The following TAFA2 variants were observed in gnomAD, a reference collection of about 807,000 sequenced individuals.
TAFA2 encodes chemokine-like protein TAFA-2.
In TAFA2, 7 loss-of-function variants were observed where a neutral mutation model predicts 18.8. The observed-to-expected ratio is 0.37, with a 90% CI of 0.21 to 0.70. The LOEUF is 0.70. Among genes scored for constraint, TAFA2 ranks in the 30% least tolerant of loss-of-function variants. The pLI, the probability that TAFA2 is intolerant of heterozygous loss-of-function variation, is 0.53. For synonymous variants in TAFA2, 60 were observed against 54.2 expected, an observed-to-expected ratio of 1.11 and a Z score of -0.47; for missense variants, 122 against 158.1, an observed-to-expected ratio of 0.77 and a Z score of 1.23.
chr12:61,917,983 A>G (rs1448642181), intron 1 of TAFA2, among the ~76,000 whole-genome samples: 1 of 152,068 alleles, frequency 6.6e-6, no homozygotes, highest in Non-Finnish European at 1.5e-5. Context: ...TTACATGTTC[A>G]TGTGTTGGGT....
At chr12:61,799,551 G>A (rs1031474854) in intron 2 of TAFA2, among the ~76,000 whole-genome samples, 2 of 152,072 alleles carry the variant, frequency 1.3e-5, no homozygotes, top group Non-Finnish European at 2.9e-5. Flanking sequence ...GGCCAGACAC[G>A]GTGGCTCACG....
At chr12:61,923,213 T>C (rs1226276041) in intron 1 of TAFA2, among the ~76,000 whole-genome samples, 1 of 152,162 alleles carries the variant, frequency 6.6e-6, no homozygotes, top group Admixed American at 6.5e-5. Flanking sequence ...GAGCAGTAGA[T>C]CTCCCAGCAC....
At chr12:61,721,073 G>T (rs1565749333) in intron 4 of TAFA2, 3 of 394,888 alleles carry the variant, frequency 7.6e-6, no homozygotes, top group Non-Finnish European at 1.5e-5. Context: ...GTGGGGATAG[G>T]TTTGTATCTC....
intron 3 of TAFA2, among the ~76,000 whole-genome samples, chr12:61,754,146 C>A (rs975931910): frequency 2.6e-5 from 4 of 151,668 alleles, no homozygotes; most frequent in African/African-American, 9.7e-5. Flanking sequence ...AGAAAATGGA[C>A]CTATGACCAG....
intron 2 of TAFA2, among the ~76,000 whole-genome samples, chr12:61,833,517 A>T (rs1243023860): frequency 1.3e-5 from 2 of 151,996 alleles, no homozygotes; most frequent in Non-Finnish European, 2.9e-5. Flanking sequence ...TCTTAATTAA[A>T]TGACAGCCAT....
At chr12:62,110,270 T>G (rs538342549) in intron 1 of TAFA2, among the ~76,000 whole-genome samples, 1 of 152,208 alleles carries the variant, frequency 6.6e-6, no homozygotes. Context: ...GTTTATATAA[T>G]GGATTCTCTT....
intron 2 of TAFA2, among the ~76,000 whole-genome samples, chr12:61,859,794 C>G (rs954958530): frequency 6.6e-6 from 1 of 152,150 alleles, no homozygotes; most frequent in Non-Finnish European, 1.5e-5. Flanking sequence ...AAAGAGATAC[C>G]TCTGTGGGAA....
intron 1 of TAFA2, among the ~76,000 whole-genome samples, chr12:62,190,233 G>C (rs1361388910): frequency 6.6e-6 from 1 of 152,088 alleles, no homozygotes; most frequent in Non-Finnish European, 1.5e-5. Context: ...CCACCCAAAG[G>C]CTCTACGAGC....
At chr12:62,225,865 C>T (rs1427858713) in intron 1 of TAFA2, among the ~76,000 whole-genome samples, 1 of 152,164 alleles carries the variant, frequency 6.6e-6, no homozygotes, top group African/African-American at 2.4e-5. Flanking sequence ...TTATACATTG[C>T]TGATTGGTGT....
intron 2 of TAFA2, among the ~76,000 whole-genome samples, chr12:61,788,993 C>T (rs6581432): frequency 0.88 from 133,182 of 151,800 alleles, 58,535 homozygotes; most frequent in African/African-American, 0.94. Flanking sequence ...TTGATGGGGT[C>T]ATTTTTTTCT....
chr12:61,876,050 C>A (rs770563786), intron 1 of TAFA2, among the ~76,000 whole-genome samples: 23 of 152,136 alleles, frequency 1.5e-4, no homozygotes, highest in Non-Finnish European at 2.6e-4. Context: ...TAGCTCTGCA[C>A]ATAATATCTA....
At chr12:61,881,162 C>T (rs1875119647) in intron 1 of TAFA2, among the ~76,000 whole-genome samples, 2 of 151,872 alleles carry the variant, frequency 1.3e-5, no homozygotes, top group Admixed American at 1.3e-4. Context: ...AAATGCTAAA[C>T]AAGAGAGGAA....
At chr12:61,822,675 G>A (rs10877749) in intron 2 of TAFA2, among the ~76,000 whole-genome samples, 41,186 of 151,930 alleles carry the variant, frequency 0.27, 6,526 homozygotes, top group Non-Finnish European at 0.36. Context: ...CATGCTCCTA[G>A]AACATAATAT....
chr12:61,842,748 C>T (rs1873238897), intron 2 of TAFA2, among the ~76,000 whole-genome samples: 1 of 151,848 alleles, frequency 6.6e-6, no homozygotes, highest in South Asian at 2.1e-4. Flanking sequence ...AACCACAGAC[C>T]GAAACACTGG....
intron 1 of TAFA2, among the ~76,000 whole-genome samples, chr12:62,107,994 T>C (rs1391476144): frequency 6.6e-6 from 1 of 152,122 alleles, no homozygotes; most frequent in Non-Finnish European, 1.5e-5. Flanking sequence ...TATAAAAGCT[T>C]TTTTTATATA....
At chr12:61,993,840 T>C (rs1880092801) in intron 1 of TAFA2, among the ~76,000 whole-genome samples, 1 of 152,220 alleles carries the variant, frequency 6.6e-6, no homozygotes, top group Non-Finnish European at 1.5e-5. Flanking sequence ...GCTGCTTCTC[T>C]GTCCCCCTCC....
At chr12:62,207,964 C>A (rs1292558673) in intron 1 of TAFA2, among the ~76,000 whole-genome samples, 1 of 152,162 alleles carries the variant, frequency 6.6e-6, no homozygotes, top group African/African-American at 2.4e-5. Flanking sequence ...AATATCTAGA[C>A]ATCCTCATTC....
intron 1 of TAFA2, among the ~76,000 whole-genome samples, chr12:61,954,660 T>A (rs773009394): frequency 6.6e-6 from 1 of 152,146 alleles, no homozygotes; most frequent in East Asian, 1.9e-4. Flanking sequence ...GTAATCAGAA[T>A]CCTTCATGTA....
At chr12:61,749,661 C>T (rs1176005873) in intron 4 of TAFA2, among the ~76,000 whole-genome samples, 1 of 151,958 alleles carries the variant, frequency 6.6e-6, no homozygotes, top group Non-Finnish European at 1.5e-5. Flanking sequence ...CTGCTCAAGC[C>T]ACTTTAAATA....
Sources: gnomAD v4.1 joint callset for allele counts (sites outside exome capture counted in the v4.1 genomes callset) on GRCh38, gnomAD v4.1.1 for gene constraint, MANE v1.5 for transcripts, NCBI Gene and HGNC (gene_info 2026-07-23, HGNC 2026-07-21) for gene names.